The following WDFY3 variants were observed in gnomAD, a reference collection of about 807,000 sequenced individuals.
WDFY3 encodes the protein WD repeat and FYVE domain containing 3.
A neutral mutation model predicts 409.6 loss-of-function variants in WDFY3; 66 were observed. The observed-to-expected ratio is 0.16, with a 90% CI of 0.13 to 0.20. The LOEUF (loss-of-function observed/expected upper bound fraction) is 0.20, where lower values mean the gene tolerates loss of function less well. Ranked by LOEUF, WDFY3 falls within the 10% of genes least tolerant of loss-of-function variation. The pLI is 1.00. For synonymous variants in WDFY3, 1,521 were observed against 1,537.1 expected, an observed-to-expected ratio of 0.99 and a Z score of 0.25; for missense variants, 3,031 against 4,298.1, an observed-to-expected ratio of 0.71 and a Z score of 8.24.
intron 17 of WDFY3, among the ~76,000 whole-genome samples, chr4:84,800,545 T>C (rs1222838376): frequency 6.6e-6 from 1 of 152,182 alleles, no homozygotes; most frequent in Non-Finnish European, 1.5e-5. Flanking sequence ...TAACAACTTG[T>C]GTGCAGCTCA....
intron 1 of WDFY3, among the ~76,000 whole-genome samples, chr4:84,940,514 G>T (rs1297325498): frequency 6.6e-6 from 1 of 151,696 alleles, no homozygotes; most frequent in African/African-American, 2.4e-5. Flanking sequence ...TAAACCTCTG[G>T]CCCCATTACC....
At chr4:84,751,327 C>T (rs1740479028) in intron 36 of WDFY3, 156 bp downstream of exon 36, 1 of 719,562 alleles carries the variant, frequency 1.4e-6, no homozygotes, top group Non-Finnish European at 2.3e-6. Flanking sequence ...GTTTAAAGCA[C>T]ATGTGGGATT....
At chr4:84,935,981 T>C (rs192692605) in intron 1 of WDFY3, among the ~76,000 whole-genome samples, 1 of 152,334 alleles carries the variant, frequency 6.6e-6, no homozygotes, top group Admixed American at 6.5e-5. Flanking sequence ...TACATATTTT[T>C]ACTTCATGCT....
At chr4:84,960,762 G>A (rs1465474055) in intron 1 of WDFY3, among the ~76,000 whole-genome samples, 1 of 152,086 alleles carries the variant, frequency 6.6e-6, no homozygotes, top group Non-Finnish European at 1.5e-5. Context: ...ACAGATATGA[G>A]CCACTGCAAC....
At chr4:84,816,299 TTATTAAAACAAC>T (rs1449401348) in intron 13 of WDFY3, among the ~76,000 whole-genome samples, 4 of 152,138 alleles carry the variant, frequency 2.6e-5, no homozygotes, top group African/African-American at 7.2e-5. Flanking sequence ...ATGTCTCTTT[TTATTAAAACAAC>T]TATTATTCAC....
At chr4:84,921,641 CTTTCA>C in intron 2 of WDFY3, among the ~76,000 whole-genome samples, 1 of 124,542 alleles carries the variant, frequency 8.0e-6, no homozygotes, top group Non-Finnish European at 1.7e-5. Flanking sequence ...GTCTCTATTG[CTTTCA>C]TTTTTTTTTT....
intron 38 of WDFY3, 108 bp downstream of exon 38, chr4:84,741,653 A>T: frequency 1.6e-6 from 2 of 1,256,862 alleles, no homozygotes; most frequent in Non-Finnish European, 2.2e-6. Flanking sequence ...CTTTTTCTTA[A>T]ATGTTAACAT....
At chr4:84,925,961 T>A (rs1769925424) in intron 2 of WDFY3, among the ~76,000 whole-genome samples, 1 of 151,764 alleles carries the variant, frequency 6.6e-6, no homozygotes, top group African/African-American at 2.4e-5. Flanking sequence ...TTTTTCAAAA[T>A]ATAAAACTGG....
chr4:84,723,356 A>G (rs1735141010), intron 46 of WDFY3, among the ~76,000 whole-genome samples: 1 of 152,254 alleles, frequency 6.6e-6, no homozygotes, highest in East Asian at 1.9e-4. Context: ...ACAGTCATAT[A>G]CTATCAGTTT....
chr4:84,832,428 A>G (rs1476960705), intron 7 of WDFY3, among the ~76,000 whole-genome samples: 1 of 152,164 alleles, frequency 6.6e-6, no homozygotes, highest in Non-Finnish European at 1.5e-5. Context: ...CTATAGAGTG[A>G]ATATTATTAA....
Position 84,679,177 on chromosome 4 carries a change from G to A in WDFY3, c.9889C>T (p.Pro3297Ser). 1 of 1,609,602 alleles carries A rather than the reference G, an allele frequency of 6.2e-7. No homozygotes were observed. The highest frequency in any genetic ancestry group is 8.5e-7 in the Non-Finnish European group (1 of 1,177,172). ...EADEQSISQD[P>S]KDTPSQPSST... ...CTGGGTTGGCTTGGAGTGTCCTTAG[G>A]GTCCTGGCTGATGCTCTGCTCATCT... Residue 3297 changes from proline (P) to serine (S), a missense_variant, in exon 65 of 68, where the codon CCT (proline) becomes TCT (serine). Coordinates refer to ENST00000295888, the MANE Select transcript of WDFY3 (RefSeq NM_014991.6).
At chr4:84,709,406 T>TATA in intron 51 of WDFY3, 59 bp from the exon 52 acceptor site, 1 of 1,507,210 alleles carries the variant, frequency 6.6e-7, no homozygotes, top group Non-Finnish European at 9.0e-7. Flanking sequence ...TCTGAAAAAT[T>TATA]ATAAAGTTGA....
At chr4:84,914,285 G>A (rs954054117) in intron 2 of WDFY3, among the ~76,000 whole-genome samples, 1 of 152,070 alleles carries the variant, frequency 6.6e-6, no homozygotes, top group Non-Finnish European at 1.5e-5. Context: ...GCTGGGCGTG[G>A]TGGCAGGTGC....
chr4:84,679,939 G>A (rs1727070877), intron 64 of WDFY3, among the ~76,000 whole-genome samples: 1 of 151,798 alleles, frequency 6.6e-6, no homozygotes. Flanking sequence ...CACCCAGGCT[G>A]GAGTGCAGTG....
Position 84,683,932 on chromosome 4 carries a change from A to T in WDFY3, c.9726+11T>A. On this transcript the variant is annotated intron_variant, in intron 63 of 67. Transcript: ENST00000295888. ...AAATATCCTAATGAGTTTTTCTCTC[A>T]GTTCACTTACCCGAACCACTCCATC... The T allele has an allele frequency of 6.4e-7, 1 of 1,570,506 alleles. No homozygotes were observed. The highest frequency in any genetic ancestry group is 8.7e-7 in the Non-Finnish European group (1 of 1,149,392).
rs1560902850 is a variant in WDFY3 at position 84,843,185 on chromosome 4, T to C, written c.305-1922A>G. On this transcript the variant is annotated intron_variant, in intron 5 of 67. Transcript: ENST00000295888. Reference sequence around the variant, plus strand: ...GATAAGTAATTTGCCTACAATCACATAGCTAGTCAGTGAAAGAGATCTGGA... The same window carrying C: ...GATAAGTAATTTGCCTACAATCACACAGCTAGTCAGTGAAAGAGATCTGGA... 2.6e-5 allele frequency among the ~76,000 whole-genome samples: 4 copies of C among 152,158 alleles called. No individual in the cohort carries two copies. The South Asian group carries it at 8.3e-4, about 32-fold the overall frequency.
chr4:84,760,655 C>G (rs1211442135), intron 32 of WDFY3, among the ~76,000 whole-genome samples: 5 of 151,706 alleles, frequency 3.3e-5, no homozygotes, highest in Non-Finnish European at 7.4e-5. Context: ...GGTGATATCC[C>G]CTTTATCATT....
chr4:84,862,778 G>C (rs1760829941), intron 3 of WDFY3, among the ~76,000 whole-genome samples: 1 of 152,024 alleles, frequency 6.6e-6, no homozygotes, highest in Non-Finnish European at 1.5e-5. Flanking sequence ...ACGAGGTCAG[G>C]GGATCGAGAC....
chr4:84,831,279 C>A (rs1040522845), intron 8 of WDFY3, 134 bp downstream of exon 8: 22 of 667,202 alleles, frequency 3.3e-5, no homozygotes, highest in African/African-American at 3.0e-4. Flanking sequence ...AAAATATTTT[C>A]TTTTCTCTGG....
Sources: allele counts gnomAD v4.1 joint callset (sites outside exome capture counted in the v4.1 genomes callset), GRCh38; gene constraint gnomAD v4.1.1; transcripts MANE v1.5; gene names NCBI Gene and HGNC (gene_info 2026-07-23, HGNC 2026-07-21).